The following NLRP14 variants were observed in gnomAD, a reference collection of about 807,000 sequenced individuals.
The protein encoded by NLRP14 is NACHT, LRR and PYD domains-containing protein 14.
In NLRP14, 105 loss-of-function variants were observed where a neutral mutation model predicts 94.7. That is an observed-to-expected ratio of 1.11 (90% CI 0.95 to 1.30). The LOEUF (loss-of-function observed/expected upper bound fraction) is 1.30. NLRP14 is among the 50% of genes most tolerant of loss of function. NLRP14 has a pLI of 0.00. For synonymous variants in NLRP14, 508 were observed against 459.9 expected (o/e 1.10, Z -1.34); for missense variants, 1,362 against 1,254.1 (o/e 1.09, Z -1.30).
rs1851975682 is a variant in NLRP14 at position 7,023,605 on chromosome 11, C to T, written c.-22+2835C>T. 2.0e-5 allele frequency among the ~76,000 whole-genome samples: 3 copies of T among 149,602 alleles called. No homozygotes were observed. The South Asian group carries it at 6.3e-4, about 31-fold the overall frequency. ...AAGCTAAAGTGCAGAGAAGAAAGCA[C>T]AGAAAAGAACATAAGAAATTATATT... On this transcript the variant is annotated intron_variant, in intron 1 of 11. Coordinates refer to ENST00000299481, the MANE Select transcript of NLRP14 (RefSeq NM_176822.4).
chr11:7,049,860 CT>C (rs780961026), intron 6 of NLRP14, 22 bp downstream of exon 6: 3 of 1,606,334 alleles, frequency 1.9e-6, no homozygotes, highest in Admixed American at 3.3e-5. Context: ...ATTGTTTTGT[CT>C]TGTTTTGTTT....
the NLRP14 span, among the ~76,000 whole-genome samples, chr11:7,079,138 G>T: frequency 6.6e-6 from 1 of 152,184 alleles, no homozygotes; most frequent in Admixed American, 6.5e-5. Flanking sequence ...ATTTTCTGGG[G>T]GGCCAGAGGA....
In NLRP14 at chr11:7,060,055, A is replaced by C; in HGVS notation, c.2795A>C (p.Gln932Pro). Reference sequence around the variant, plus strand: ...TTTCGGCATCCAAGCTGTAATCTTCAGGACTTGGAGTAGGTTTTCTGTTGC... The same window carrying C: ...TTTCGGCATCCAAGCTGTAATCTTCCGGACTTGGAGTAGGTTTTCTGTTGC... ...DVFRHPSCNL[Q>P]DLELMGCVLT... Residue 932 changes from glutamine (Q) to proline (P), a missense_variant, in exon 9 of 12, where the codon CAG (glutamine) becomes CCG (proline). By Grantham distance (76) the Gln-to-Pro change is moderately conservative. Coordinates refer to ENST00000299481, the MANE Select transcript of NLRP14 (RefSeq NM_176822.4). The C allele has an allele frequency of 6.2e-7, 1 of 1,612,406 alleles. No individual in the cohort carries two copies. Among genetic ancestry groups the C allele is most frequent in the Admixed American group, 1.7e-5 (1 of 59,942 alleles).
At chr11:7,051,680 G>A (rs1232599402) in intron 6 of NLRP14, among the ~76,000 whole-genome samples, 3 of 152,054 alleles carry the variant, frequency 2.0e-5, no homozygotes, top group African/African-American at 4.8e-5. Flanking sequence ...GCAGTGGTGC[G>A]ATCTCGGCTC....
At chr11:7,071,892 A>G (rs954134443), downstream of NLRP14, among the ~76,000 whole-genome samples, 5 of 152,172 alleles carry the variant, frequency 3.3e-5, no homozygotes, top group African/African-American at 1.2e-4. Context: ...TAGTTTCAAT[A>G]GAAATGGGAG....
chr11:7,051,788 T>A (rs10743003), intron 6 of NLRP14, among the ~76,000 whole-genome samples: 147,501 of 152,132 alleles, frequency 0.97, 71,664 homozygotes, highest in Middle Eastern at 1. Context: ...ATGCCCGGCT[T>A]ATTTTTGTGT....
At chr11:7,047,928 T>G (rs953904499) in intron 5 of NLRP14, among the ~76,000 whole-genome samples, 1 of 151,646 alleles carries the variant, frequency 6.6e-6, no homozygotes, top group Admixed American at 6.6e-5. Flanking sequence ...CCTGGCTAAT[T>G]TTTGTATTTT....
chr11:7,033,299 G>A (rs999991870), intron 1 of NLRP14, among the ~76,000 whole-genome samples: 3 of 152,152 alleles, frequency 2.0e-5, no homozygotes, highest in Non-Finnish European at 4.4e-5. Flanking sequence ...CATAGTGTAT[G>A]TATATTTCCA....
the NLRP14 span, among the ~76,000 whole-genome samples, chr11:7,088,695 T>TA: frequency 7.8e-6 from 1 of 128,926 alleles, no homozygotes; most frequent in Admixed American, 7.9e-5. Flanking sequence ...TTTAGTAATT[T>TA]AAAAAATTCA....
At chr11:7,021,424 G>A (rs1851933679) in intron 1 of NLRP14, among the ~76,000 whole-genome samples, 1 of 152,138 alleles carries the variant, frequency 6.6e-6, no homozygotes, top group African/African-American at 2.4e-5. Flanking sequence ...TATGACTCTG[G>A]AGACCACATT....
At chr11:7,075,723 T>A (rs763274238), downstream of NLRP14, among the ~76,000 whole-genome samples, 1 of 152,236 alleles carries the variant, frequency 6.6e-6, no homozygotes, top group Non-Finnish European at 1.5e-5. Context: ...TAACTTCATA[T>A]CCTAAATTCT....
At chr11:7,061,920 A>G (rs190197856) in intron 9 of NLRP14, among the ~76,000 whole-genome samples, 34 of 152,192 alleles carry the variant, frequency 2.2e-4, no homozygotes, top group South Asian at 6.2e-4. Context: ...TGGAATAAAT[A>G]TCTTTTTATA....
the NLRP14 span, chr11:7,089,538 C>T: frequency 2.5e-6 from 3 of 1,206,418 alleles, no homozygotes; most frequent in Non-Finnish European, 3.1e-6. Flanking sequence ...TTTCGACCTG[C>T]GGCCCTCCAG....
At chr11:7,080,803 T>A in the NLRP14 span, among the ~76,000 whole-genome samples, 1 of 152,210 alleles carries the variant, frequency 6.6e-6, no homozygotes, top group Non-Finnish European at 1.5e-5. Context: ...GGCTTGGCAG[T>A]CAAAGACAGG....
In NLRP14 at chr11:7,059,731, A is replaced by G. The variant is rs192776854; in HGVS notation, c.2634-163A>G. Reference sequence around the variant, plus strand: ...TCTAGTTTGTAGCCCAATTTGATGTATATCTGTTTCCCAAGTGAGACAGGC... The same window carrying G: ...TCTAGTTTGTAGCCCAATTTGATGTGTATCTGTTTCCCAAGTGAGACAGGC... On this transcript the variant is annotated intron_variant, in intron 8 of 11. Coordinates refer to ENST00000299481, the MANE Select transcript of NLRP14 (RefSeq NM_176822.4). 2.6e-5 allele frequency among the ~76,000 whole-genome samples: 4 copies of G among 152,122 alleles called. No individual in the cohort carries two copies. The East Asian group carries it at 5.8e-4, about 22-fold the overall frequency.
chr11:7,074,049 C>G (rs1217317367), downstream of NLRP14, among the ~76,000 whole-genome samples: 3 of 152,156 alleles, frequency 2.0e-5, no homozygotes, highest in African/African-American at 7.2e-5. Context: ...TATCCAGGAG[C>G]CTCCAACTAC....
rs149195401 is a variant in NLRP14, at chr11:7,038,596, T to A, written c.10T>A (p.Ser4Thr). 963 of 1,613,830 alleles carry A rather than the reference T, an allele frequency of 6.0e-4. No individual in the cohort carries two copies. The highest frequency in any genetic ancestry group is 7.5e-4 in the Non-Finnish European group (887 of 1,179,960). Residue 4 changes from serine to threonine, a missense_variant, in exon 2 of 12, where the codon TCA becomes ACA. By Grantham distance (58) the Ser-to-Thr change is moderately conservative. Transcript: ENST00000299481. ...TGAATATTTGGACAAGATGGCAGAT[T>A]CATCATCATCTTCTTTCTTTCCTGA... The part of the protein sequence containing the change: MAD[S>T]SSSSFFPDFG...
rs1206756333 is a variant in NLRP14, at chr11:7,043,445, A to G, written c.1419A>G (p.Glu473=). The G allele has an allele frequency of 6.2e-7, 1 of 1,614,206 alleles. No homozygotes were observed. The highest frequency in any genetic ancestry group is 1.7e-5 in the Admixed American group (1 of 60,014). The change falls in exon 4 of 12, where the codon GAA becomes GAG. Residue 473 remains glutamate, a synonymous_variant. Transcript: ENST00000299481. ...SNIIQKDAEY[E]NCYVFTHLHV... is the part of the protein sequence containing the mutation. Reference sequence around the variant, plus strand: ...TTATTCAGAAGGACGCAGAGTATGAAAACTGCTATGTGTTCACCCACCTTC... The same window carrying G: ...TTATTCAGAAGGACGCAGAGTATGAGAACTGCTATGTGTTCACCCACCTTC...
chr11:7,086,921 G>A, the NLRP14 span, among the ~76,000 whole-genome samples: 1 of 152,280 alleles, frequency 6.6e-6, no homozygotes, highest in East Asian at 1.9e-4. Flanking sequence ...GAAGTTAAGA[G>A]TCAGGAGATT....
Sources: allele counts gnomAD v4.1 joint callset (sites outside exome capture counted in the v4.1 genomes callset), GRCh38; gene constraint gnomAD v4.1.1; transcripts MANE v1.5; gene names NCBI Gene and HGNC (gene_info 2026-07-23, HGNC 2026-07-21).